Variants in ANKRD28 observed in about 807,000 individuals in gnomAD.
ANKRD28 encodes serine/threonine-protein phosphatase 6 regulatory ankyrin repeat subunit A.
A neutral mutation model predicts 126.5 loss-of-function variants in ANKRD28; 44 were observed. That is an observed-to-expected ratio of 0.35 (90% confidence interval 0.27 to 0.45). The LOEUF is 0.45. Among genes scored for constraint, ANKRD28 ranks in the 20% least tolerant of loss-of-function variants. The pLI, the probability that ANKRD28 is intolerant of heterozygous loss-of-function variation, is 1.00. For synonymous variants in ANKRD28, 442 were observed against 468.5 expected, an observed-to-expected ratio of 0.94 and a Z score of 0.73; for missense variants, 1,110 against 1,316.6, an observed-to-expected ratio of 0.84 and a Z score of 2.43.
chr3:15,773,313 C>CATAA (rs2059107096), intron 2 of ANKRD28, among the ~76,000 whole-genome samples: 1 of 152,046 alleles, frequency 6.6e-6, no homozygotes, highest in Non-Finnish European at 1.5e-5. Flanking sequence ...AATGCTTAAG[C>CATAA]ATAAATCTAA....
intron 1 of ANKRD28, among the ~76,000 whole-genome samples, chr3:15,824,531 A>G (rs2061017179): frequency 2.0e-5 from 3 of 152,220 alleles, no homozygotes; most frequent in Admixed American, 2.0e-4. Flanking sequence ...TAAAGTCACA[A>G]AATCTGTTGC....
chr3:15,712,036 T>C (rs886250540), intron 11 of ANKRD28, 104 bp downstream of exon 11: 2 of 874,166 alleles, frequency 2.3e-6, no homozygotes, highest in Non-Finnish European at 3.7e-6. Context: ...AAATTATCCA[T>C]ACTGGACCCA....
intron 2 of ANKRD28, among the ~76,000 whole-genome samples, chr3:15,776,390 G>A (rs2059269940): frequency 6.6e-6 from 1 of 152,190 alleles, no homozygotes; most frequent in African/African-American, 2.4e-5. Context: ...ATCAATAGCA[G>A]AATGGATAAA....
chr3:15,726,962 T>C (rs2074218923), intron 6 of ANKRD28, among the ~76,000 whole-genome samples: 1 of 152,216 alleles, frequency 6.6e-6, no homozygotes, highest in African/African-American at 2.4e-5. Flanking sequence ...ACACATCTGT[T>C]TATAACACGG....
At chr3:15,857,734 G>C (rs1287200636) in intron 1 of ANKRD28, among the ~76,000 whole-genome samples, 1 of 152,180 alleles carries the variant, frequency 6.6e-6, no homozygotes, top group African/African-American at 2.4e-5. Context: ...ACACAATCCT[G>C]TTTCTGTTAA....
rs896069029 is a variant in ANKRD28, at chr3:15,720,065, T to C, written c.996+850A>G. Among the ~76,000 whole-genome samples, 4 of 152,108 alleles carry C rather than the reference T, an allele frequency of 2.6e-5. No homozygotes were observed. The East Asian group carries it at 5.8e-4, about 22-fold the overall frequency. On this transcript the variant is annotated intron_variant, in intron 8 of 27. Transcript: ENST00000683139. ...TCTATTTTTTTGTGGAGCCAGGTTA[T>C]GCTGTCCAGGCTAGTCCTGAATTCC...
chr3:15,689,866 A>G, intron 18 of ANKRD28, 153 bp downstream of exon 18: 2 of 655,774 alleles, frequency 3.0e-6, no homozygotes, highest in Non-Finnish European at 5.0e-6. Flanking sequence ...GTGTGAATAA[A>G]GTTATTTGGT....
At chr3:15,805,808 T>C (rs916748445) in intron 1 of ANKRD28, among the ~76,000 whole-genome samples, 6 of 152,208 alleles carry the variant, frequency 3.9e-5, no homozygotes, top group Admixed American at 6.5e-5. Context: ...ACAAAATGTT[T>C]ACCTTTATAA....
At chr3:15,773,505 A>T (rs1268822889) in intron 2 of ANKRD28, among the ~76,000 whole-genome samples, 1 of 152,122 alleles carries the variant, frequency 6.6e-6, no homozygotes, top group African/African-American at 2.4e-5. Flanking sequence ...TGCGCCTGTA[A>T]TCCCAGTTAC....
rs771137903 is a variant in ANKRD28 at position 15,679,490 on chromosome 3, T to C, written c.2463A>G (p.Pro821=). Reference sequence around the variant, plus strand: ...GCTTTACTTACACGGCACAATGCAATGGACTAAAAGCATTTCCTTCCGTTT... The same window carrying C: ...GCTTTACTTACACGGCACAATGCAACGGACTAAAAGCATTTCCTTCCGTTT... The part of the protein sequence containing the change: ...FQKTEGNAFS[P]LHCAVINDNE... The change falls in exon 22 of 28, where the codon CCA becomes CCG. Residue 821 remains proline (P), a synonymous_variant. Coordinates refer to ENST00000683139, the MANE Select transcript of ANKRD28 (RefSeq NM_001349278.2). 3 of 1,613,940 alleles carry C rather than the reference T, an allele frequency of 1.9e-6. No homozygotes were observed. Among genetic ancestry groups the C allele is most frequent in the Non-Finnish European group, 2.5e-6 (3 of 1,179,860 alleles).
chr3:15,767,093 C>A (rs898612698), intron 2 of ANKRD28, among the ~76,000 whole-genome samples: 6 of 152,112 alleles, frequency 3.9e-5, no homozygotes, highest in Non-Finnish European at 7.4e-5. Context: ...AAAATATATT[C>A]ATGTCTGTTT....
chr3:15,821,562 C>T (rs765303597), intron 1 of ANKRD28, among the ~76,000 whole-genome samples: 1 of 152,100 alleles, frequency 6.6e-6, no homozygotes, highest in Non-Finnish European at 1.5e-5. Flanking sequence ...CATCCCTTCA[C>T]AAAGCAATGA....
At chr3:15,723,388 T>G (rs1468111939) in intron 7 of ANKRD28, among the ~76,000 whole-genome samples, 1 of 152,230 alleles carries the variant, frequency 6.6e-6, no homozygotes, top group Non-Finnish European at 1.5e-5. Flanking sequence ...TAGCAGATCC[T>G]TATGCTACAT....
intron 2 of ANKRD28, among the ~76,000 whole-genome samples, chr3:15,781,094 A>AG (rs2059517987): frequency 6.6e-6 from 1 of 151,934 alleles, no homozygotes; most frequent in South Asian, 2.1e-4. Flanking sequence ...GCTTTTGCAC[A>AG]GAAAAAAAAA....
Position 15,713,630 on chromosome 3 carries a change from C to A in ANKRD28, c.1087G>T (p.Asp363Tyr). 6.2e-7 allele frequency: 1 copy of A among 1,603,668 alleles called. No homozygotes were observed. The highest frequency in any genetic ancestry group is 1.1e-5 in the South Asian group (1 of 89,434). ...QTIIQSGAVI[D>Y]CEDKNGNTPL... ...GTATTTCCATTCTTATCCTCACAGT[C>A]GATTACAGCTCCTGCAATATAGGAC... is the stretch of plus-strand genomic sequence containing the variant. The change falls in exon 10 of 28, where the codon GAC (aspartate) becomes TAC (tyrosine). Residue 363 changes from aspartate to tyrosine, a missense_variant. Transcript: ENST00000683139.
intron 14 of ANKRD28, among the ~76,000 whole-genome samples, chr3:15,700,363 G>A (rs1394834558): frequency 1.3e-5 from 2 of 151,828 alleles, no homozygotes; most frequent in Non-Finnish European, 2.9e-5. Context: ...TAAATGATGA[G>A]TTGATGGGTG....
At chr3:15,849,022 T>C (rs1451708736) in intron 1 of ANKRD28, among the ~76,000 whole-genome samples, 3 of 152,194 alleles carry the variant, frequency 2.0e-5, no homozygotes, top group Non-Finnish European at 4.4e-5. Flanking sequence ...ATAAAATCAC[T>C]TGTATTTCTA....
At chr3:15,676,143 G>A (rs1200170612) in intron 26 of ANKRD28, 154 bp from the exon 27 acceptor site, 1 of 524,574 alleles carries the variant, frequency 1.9e-6, no homozygotes, top group Non-Finnish European at 3.4e-6. Flanking sequence ...TGGGGGCAGG[G>A]AGAGCAGAAC....
At chr3:15,748,472 A>C (rs973647934) in intron 4 of ANKRD28, among the ~76,000 whole-genome samples, 2 of 152,128 alleles carry the variant, frequency 1.3e-5, no homozygotes, top group Non-Finnish European at 2.9e-5. Context: ...CTGGGTACAA[A>C]ATTTTTGGCA....
Sources: gnomAD v4.1 joint callset for allele counts (sites outside exome capture counted in the v4.1 genomes callset) on GRCh38, gnomAD v4.1.1 for gene constraint, MANE v1.5 for transcripts, NCBI Gene and HGNC (gene_info 2026-07-23, HGNC 2026-07-21) for gene names.